PEMT: variants seen among roughly 807,000 people sequenced by gnomAD.
PEMT encodes the protein phosphatidylethanolamine N-methyltransferase, also known as phospholipid methyltransferase.
A neutral mutation model predicts 27.4 loss-of-function variants in PEMT; 23 were observed. The observed-to-expected ratio is 0.84, with a 90% confidence interval of 0.60 to 1.19. The LOEUF is 1.19. Ranked by LOEUF, PEMT falls within the 50% of genes most tolerant of loss-of-function variation. PEMT has a pLI of 0.00. For missense variants in PEMT, 307 were observed against 310.1 expected, an observed-to-expected ratio of 0.99 and a Z score of 0.07; for synonymous variants, 137 against 139.1, an observed-to-expected ratio of 0.98 and a Z score of 0.11.
At chr17:17,562,370 T>C (rs1910546678) in intron 2 of PEMT, among the ~76,000 whole-genome samples, 1 of 150,602 alleles carries the variant, frequency 6.6e-6, no homozygotes, top group African/African-American at 2.4e-5. Context: ...CTGACCACCG[T>C]GACAGTCACA....
At position 17,590,421 on chromosome 17, in the gene PEMT, G is replaced by A. The variant is rs115016108; in HGVS notation, c.96+1110C>T. 4.6e-3 allele frequency among the ~76,000 whole-genome samples: 699 copies of A among 152,198 alleles called. 3 individuals carry two copies. The highest frequency in any genetic ancestry group is 0.016 in the African/African-American group (653 of 41,512). ...CTCTCAGATCCCAGGTCCCTCCCTC[G>A]CAGATACGGCAACAGGCTCTCTTGG... is the stretch of plus-strand genomic sequence containing the variant. On this transcript the variant is annotated intron_variant, in intron 1 of 6. Transcript: ENST00000255389.
chr17:17,542,043 T>G (rs558530253), intron 2 of PEMT, among the ~76,000 whole-genome samples: 1 of 152,328 alleles, frequency 6.6e-6, no homozygotes, highest in African/African-American at 2.4e-5. Flanking sequence ...TGCAGCAGCA[T>G]GATCTCTGCT....
chr17:17,572,880 C>T (rs2142730933), intron 2 of PEMT, among the ~76,000 whole-genome samples: 1 of 152,332 alleles, frequency 6.6e-6, no homozygotes, highest in South Asian at 2.1e-4. Context: ...CAGCCCTCCG[C>T]AGCAACTGCA....
At chr17:17,576,154 T>C (rs991860955) in intron 2 of PEMT, among the ~76,000 whole-genome samples, 1 of 151,494 alleles carries the variant, frequency 6.6e-6, no homozygotes, top group African/African-American at 2.4e-5. Context: ...AGAGACAGCC[T>C]TGGGAGAGCG....
chr17:17,568,460 C>T (rs56086025), intron 2 of PEMT, among the ~76,000 whole-genome samples: 1,845 of 152,352 alleles, frequency 0.012, 30 homozygotes, highest in African/African-American at 0.041. Context: ...GGTCCCGTCC[C>T]GGCACAGAGC....
At chr17:17,574,753 G>C (rs1008220521) in intron 2 of PEMT, among the ~76,000 whole-genome samples, 3 of 152,162 alleles carry the variant, frequency 2.0e-5, no homozygotes, top group African/African-American at 2.4e-5. Context: ...ATAAATAAAA[G>C]CGTCCTCAGG....
At chr17:17,563,866 T>C (rs1470311115) in intron 2 of PEMT, among the ~76,000 whole-genome samples, 1 of 152,158 alleles carries the variant, frequency 6.6e-6, no homozygotes, top group Non-Finnish European at 1.5e-5. Context: ...GGGCACAGTC[T>C]GCCCGCCTCC....
At chr17:17,539,414 C>A (rs1290298389) in intron 2 of PEMT, among the ~76,000 whole-genome samples, 2 of 152,214 alleles carry the variant, frequency 1.3e-5, no homozygotes, top group Non-Finnish European at 1.5e-5. Flanking sequence ...TGTTCCATCC[C>A]GTTTCCCTCC....
At chr17:17,549,494 T>G (rs887615256) in intron 2 of PEMT, among the ~76,000 whole-genome samples, 5 of 152,210 alleles carry the variant, frequency 3.3e-5, no homozygotes. Context: ...TTTGTAGAGA[T>G]GGGGTCTTGC....
At chr17:17,541,833 G>C (rs1180630962) in intron 2 of PEMT, among the ~76,000 whole-genome samples, 2 of 152,216 alleles carry the variant, frequency 1.3e-5, no homozygotes, top group Non-Finnish European at 2.9e-5. Flanking sequence ...CTTGCCCAGA[G>C]AGAAACGGCT....
At chr17:17,518,552 A>G (rs1740068279) in intron 3 of PEMT, among the ~76,000 whole-genome samples, 2 of 151,868 alleles carry the variant, frequency 1.3e-5, no homozygotes, top group Non-Finnish European at 2.9e-5. Flanking sequence ...TCCCCTGACC[A>G]CCTCTGGATG....
intron 1 of PEMT, among the ~76,000 whole-genome samples, chr17:17,586,750 C>A (rs1597971610): frequency 6.6e-6 from 1 of 152,170 alleles, no homozygotes; most frequent in East Asian, 1.9e-4. Context: ...TGCCTATAAT[C>A]CCAGTACTTT....
At chr17:17,584,710 G>A (rs986246487) in intron 1 of PEMT, among the ~76,000 whole-genome samples, 1 of 152,224 alleles carries the variant, frequency 6.6e-6, no homozygotes, top group South Asian at 2.1e-4. Flanking sequence ...GAAGACAATA[G>A]TAACAATAAG....
At position 17,505,680 on chromosome 17, in the gene PEMT, C is replaced by A; in HGVS notation, c.*111G>T. On this transcript the variant is annotated 3_prime_UTR_variant, in exon 7 of 7. Coordinates refer to ENST00000255389, the MANE Select transcript of PEMT (RefSeq NM_148172.3). Reference sequence around the variant, plus strand: ...GGTTCCAAGGCACTGGGGCAGCCCACGCCGGGGGCGAGCCCTGAGCAGCAG... The same window carrying A: ...GGTTCCAAGGCACTGGGGCAGCCCAAGCCGGGGGCGAGCCCTGAGCAGCAG... 7.7e-7 allele frequency: 1 copy of A among 1,300,130 alleles called. No individual in the cohort carries two copies. The highest frequency in any genetic ancestry group is 1.0e-6 in the Non-Finnish European group (1 of 989,434). 80.5% of individuals were successfully genotyped at this position (1,300,130 alleles called of 1,614,324 possible). A position where few individuals can be genotyped will look rare whatever the true frequency, so the allele number is the denominator to read the frequency against.
intron 2 of PEMT, among the ~76,000 whole-genome samples, chr17:17,571,897 C>A (rs1418471805): frequency 6.6e-6 from 1 of 152,170 alleles, no homozygotes. Flanking sequence ...TGACATTTCA[C>A]CACGTTGCCC....
intron 2 of PEMT, among the ~76,000 whole-genome samples, chr17:17,564,462 G>T (rs1321756625): frequency 6.6e-6 from 1 of 152,068 alleles, no homozygotes; most frequent in Non-Finnish European, 1.5e-5. Flanking sequence ...TTTAGCCCAG[G>T]AAACTACAAG....
At position 17,537,777 on chromosome 17, in the gene PEMT, G is replaced by A. The variant is rs4646393; in HGVS notation, c.205-15382C>T. ...AGTATGACCTGTGCCTAGATTTCCC[G>A]GGGAGGGAGATTTGAGACATGGACA... On this transcript the variant is annotated intron_variant, in intron 2 of 6. Transcript: ENST00000255389. Among the ~76,000 whole-genome samples, 257 of 152,330 alleles carry A rather than the reference G, an allele frequency of 1.7e-3. 8 individuals are homozygous for A. In the East Asian group the frequency reaches 0.045, roughly 27 times the overall value.
chr17:17,528,230 T>C (rs1376774552), intron 2 of PEMT, among the ~76,000 whole-genome samples: 1 of 152,134 alleles, frequency 6.6e-6, no homozygotes, highest in Non-Finnish European at 1.5e-5. Context: ...ACCGCCCCCA[T>C]CTCGCTTCTA....
intron 2 of PEMT, among the ~76,000 whole-genome samples, chr17:17,554,963 A>G (rs1909946131): frequency 1.3e-5 from 2 of 152,160 alleles, no homozygotes; most frequent in Non-Finnish European, 2.9e-5. Flanking sequence ...AAGGGAGCAC[A>G]TAGCTACTCA....
Sources: gnomAD v4.1 joint callset for allele counts (sites outside exome capture counted in the v4.1 genomes callset) on GRCh38, gnomAD v4.1.1 for gene constraint, MANE v1.5 for transcripts, NCBI Gene and HGNC (gene_info 2026-07-23, HGNC 2026-07-21) for gene names.